Variants in CDK15 observed in about 807,000 individuals in gnomAD.
CDK15 encodes the protein cyclin-dependent kinase 15.
A neutral mutation model predicts 60.3 loss-of-function variants in CDK15; 62 were observed. That is an observed-to-expected ratio of 1.03 (90% CI 0.84 to 1.27). The LOEUF (loss-of-function observed/expected upper bound fraction) is 1.27, where lower values mean the gene tolerates loss of function less well. Among genes scored for constraint, CDK15 ranks in the 50% most tolerant of loss-of-function variants. The pLI is 0.00. For synonymous variants in CDK15, 194 were observed against 195.7 expected, an observed-to-expected ratio of 0.99 and a Z score of 0.07; for missense variants, 541 against 527.8, an observed-to-expected ratio of 1.03 and a Z score of -0.25.
chr2:201,855,036 C>A, intron 10 of CDK15, 99 bp downstream of exon 10: 1 of 1,019,782 alleles, frequency 9.8e-7, no homozygotes, highest in South Asian at 1.3e-5. Flanking sequence ...AACTCAGCGG[C>A]AAAGATGGGT....
chr2:201,840,741 G>A (rs1697339443), intron 8 of CDK15, among the ~76,000 whole-genome samples: 1 of 152,150 alleles, frequency 6.6e-6, no homozygotes, highest in Admixed American at 6.5e-5. Context: ...TTGCTGTCGA[G>A]GAGTTTGCTT....
At chr2:201,814,158 A>G (rs1161185476) in intron 4 of CDK15, among the ~76,000 whole-genome samples, 4 of 152,214 alleles carry the variant, frequency 2.6e-5, no homozygotes, top group African/African-American at 9.6e-5. Context: ...ATTTAACTGT[A>G]ACAGTGAAAC....
intron 11 of CDK15, among the ~76,000 whole-genome samples, chr2:201,877,793 C>A (rs538215993): frequency 1.3e-5 from 2 of 152,270 alleles, no homozygotes; most frequent in East Asian, 3.9e-4. Flanking sequence ...TTGCAAATTT[C>A]TTCTCTATCT....
intron 4 of CDK15, among the ~76,000 whole-genome samples, chr2:201,822,135 G>A (rs986780466): frequency 3.3e-5 from 5 of 152,102 alleles, no homozygotes; most frequent in Admixed American, 1.3e-4. Flanking sequence ...TTTAGTAACC[G>A]ATTATTGAAG....
At chr2:201,861,996 C>G (rs17385311) in intron 10 of CDK15, among the ~76,000 whole-genome samples, 4,327 of 152,278 alleles carry the variant, frequency 0.028, 66 homozygotes, top group Middle Eastern at 0.044. Context: ...AGAAATACCT[C>G]CAGGCACCAG....
intron 9 of CDK15, among the ~76,000 whole-genome samples, chr2:201,852,438 G>A (rs985646417): frequency 2.6e-5 from 4 of 152,172 alleles, no homozygotes; most frequent in Admixed American, 6.5e-5. Flanking sequence ...TGCCTGTAGT[G>A]TGTGTGTTTA....
At chr2:201,820,285 A>G (rs1192760700) in intron 4 of CDK15, among the ~76,000 whole-genome samples, 1 of 152,184 alleles carries the variant, frequency 6.6e-6, no homozygotes, top group Admixed American at 6.5e-5. Flanking sequence ...GAAAATATGG[A>G]AGGTATTCAA....
At position 201,893,556 on chromosome 2, in the gene CDK15, T is replaced by A. The variant is rs1699699955; in HGVS notation, c.*289T>A. 1 of 152,228 alleles carries A rather than the reference T, an allele frequency of 6.6e-6. No homozygotes were observed. Among genetic ancestry groups the A allele is most frequent in the Non-Finnish European group, 1.5e-5 (1 of 68,030 alleles). 9.4% of individuals were successfully genotyped at this position (152,228 alleles called of 1,614,324 possible). On this transcript the variant is annotated 3_prime_UTR_variant, in exon 14 of 14. Transcript: ENST00000652192. ...TAAGTCTAAGAAGAGGGCTTCTGAA[T>A]AACTTCATTCATTTTGGCATTTGTT... is the stretch of plus-strand genomic sequence containing the variant.
At chr2:201,815,223 T>A (rs1164968998) in intron 4 of CDK15, among the ~76,000 whole-genome samples, 1 of 152,186 alleles carries the variant, frequency 6.6e-6, no homozygotes, top group Non-Finnish European at 1.5e-5. Context: ...GGGAAATATA[T>A]CTTAATACAT....
rs532036320 is a variant in CDK15 at position 201,817,454 on chromosome 2, C to G, written c.448+4892C>G. Among the ~76,000 whole-genome samples the G allele has an allele frequency of 2.0e-5, 3 of 152,264 alleles. No homozygotes were observed. The South Asian group carries it at 6.2e-4, about 32-fold the overall frequency. On this transcript the variant is annotated intron_variant, in intron 4 of 13. Transcript: ENST00000652192. ...AAGAAATATTTTAAAGAAAATAATA[C>G]ATCATGTTGTATATTCATCAATTCT...
In CDK15 at chr2:201,812,173, C is replaced by CAA. The variant is rs56808760; in HGVS notation, c.369-293_369-292dup. 1.1e-3 allele frequency among the ~76,000 whole-genome samples: 108 copies of CAA among 96,742 alleles called. 1 individual carries two copies. Among genetic ancestry groups the CAA allele is most frequent in the African/African-American group, 1.5e-3 (41 of 27,512 alleles). 63.5% of individuals were successfully genotyped at this position (96,742 alleles called of 152,430 possible). A position where few individuals can be genotyped will look rare whatever the true frequency, so the allele number is the denominator to read the frequency against. The stretch of plus-strand genomic sequence containing the variant: ...TGGGCAACAGAGCGAGATTCTGTCT[C>CAA]AAAAAAAAAAAAAAAAAACAAAAAA... On this transcript the variant is annotated intron_variant, in intron 3 of 13. Transcript: ENST00000652192.
intron 10 of CDK15, among the ~76,000 whole-genome samples, chr2:201,868,695 A>G (rs1698732891): frequency 1.3e-5 from 2 of 152,164 alleles, no homozygotes; most frequent in African/African-American, 4.8e-5. Flanking sequence ...ACAAAAAAAA[A>G]AAACCATCAA....
chr2:201,827,270 A>T (rs545988142), intron 6 of CDK15, among the ~76,000 whole-genome samples: 1 of 152,242 alleles, frequency 6.6e-6, no homozygotes, highest in East Asian at 1.9e-4. Context: ...ACATAGCAAG[A>T]CCTCATCTCT....
At chr2:201,854,339 T>G (rs1428651972) in intron 9 of CDK15, among the ~76,000 whole-genome samples, 1 of 152,152 alleles carries the variant, frequency 6.6e-6, no homozygotes, top group Non-Finnish European at 1.5e-5. Flanking sequence ...TAGAGTTAGT[T>G]TTGGGGTCAT....
At chr2:201,875,692 A>T (rs954061423) in intron 11 of CDK15, among the ~76,000 whole-genome samples, 5 of 152,212 alleles carry the variant, frequency 3.3e-5, no homozygotes, top group African/African-American at 1.2e-4. Context: ...CAATGGAAAA[A>T]GTAGGTTATA....
At chr2:201,872,477 C>G (rs1698888940) in intron 11 of CDK15, 151 bp downstream of exon 11, 2 of 750,182 alleles carry the variant, frequency 2.7e-6, no homozygotes, top group Non-Finnish European at 4.5e-6. Flanking sequence ...AAGCGCCAGA[C>G]CCCTGAGAGT....
At chr2:201,847,323 C>T in intron 8 of CDK15, 58 bp from the exon 9 acceptor site, 2 of 1,444,220 alleles carry the variant, frequency 1.4e-6, no homozygotes, top group East Asian at 2.3e-5. Context: ...TCTAGTAGTT[C>T]AGTTTCGCTT....
At chr2:201,856,426 C>T (rs1342440099) in intron 10 of CDK15, among the ~76,000 whole-genome samples, 2 of 152,086 alleles carry the variant, frequency 1.3e-5, no homozygotes, top group Admixed American at 1.3e-4. Context: ...ATATCATTTG[C>T]AAATAGTTTA....
chr2:201,881,153 G>A (rs368708218), intron 12 of CDK15, among the ~76,000 whole-genome samples: 10 of 152,150 alleles, frequency 6.6e-5, no homozygotes, highest in Admixed American at 6.5e-4. Context: ...TGTGGAAACA[G>A]CCTGGTCCGC....
Sources: allele counts gnomAD v4.1 joint callset (sites outside exome capture counted in the v4.1 genomes callset), GRCh38; gene constraint gnomAD v4.1.1; transcripts MANE v1.5; gene names NCBI Gene and HGNC (gene_info 2026-07-23, HGNC 2026-07-21).